The following USP34 variants were observed in gnomAD, a reference collection of about 807,000 sequenced individuals.
The protein encoded by USP34 is ubiquitin carboxyl-terminal hydrolase 34.
Under a neutral mutation model 460.3 loss-of-function variants are expected in USP34, and 70 were observed. The observed-to-expected ratio is 0.15, with a 90% CI of 0.13 to 0.19. The LOEUF (loss-of-function observed/expected upper bound fraction) is 0.19, where lower values mean the gene tolerates loss of function less well. Among genes scored for constraint, USP34 ranks in the 10% least tolerant of loss-of-function variants. The probability of loss-of-function intolerance (pLI) is 1.00; values close to 1 mark genes in which losing one functional copy is unlikely to be tolerated. For missense variants in USP34, 3,985 were observed against 4,236.2 expected, an observed-to-expected ratio of 0.94 and a Z score of 1.65; for synonymous variants, 1,647 against 1,405.3, an observed-to-expected ratio of 1.17 and a Z score of -3.85.
At chr2:61,352,036 G>T (rs1019867668) in intron 10 of USP34, among the ~76,000 whole-genome samples, 6 of 152,196 alleles carry the variant, frequency 3.9e-5, no homozygotes, top group African/African-American at 1.4e-4. Flanking sequence ...AAGTGTTTCA[G>T]GTTTTGGATT....
chr2:61,251,522 C>T (rs375813106), intron 48 of USP34, among the ~76,000 whole-genome samples: 29 of 152,244 alleles, frequency 1.9e-4, no homozygotes, highest in South Asian at 6.2e-4. Context: ...CGTTTATATA[C>T]GAAACTATTG....
intron 67 of USP34, among the ~76,000 whole-genome samples, chr2:61,216,725 C>A (rs547745109): frequency 2.0e-4 from 31 of 152,046 alleles, no homozygotes; most frequent in Non-Finnish European, 1.5e-4. Flanking sequence ...TCAAGACCAG[C>A]CTGGCCAACA....
chr2:61,348,180 G>C lies in USP34; in HGVS notation c.1975C>G (p.Gln659Glu), dbSNP rs759523310. Residue 659 changes from glutamine to glutamate, a missense_variant, in exon 15 of 80, where the codon CAA becomes GAA. By Grantham distance (29) the Gln-to-Glu change is conservative. Coordinates refer to ENST00000398571, the MANE Select transcript of USP34 (RefSeq NM_014709.4). Reference protein sequence around the residue: ...SQAGICLGDSQGMSERNGTSS... With the variant: ...SQAGICLGDSEGMSERNGTSS... ...GTCCCATTTCTTTCTGACATGCCTT[G>C]GGAGTCCCCCAGGCAAATGCCTGCT... The C allele has an allele frequency of 1.9e-6, 3 of 1,614,164 alleles. No individual in the cohort carries two copies. The highest frequency in any genetic ancestry group is 2.5e-6 in the Non-Finnish European group (3 of 1,180,024).
At chr2:61,222,378 A>G (rs556039965) in intron 65 of USP34, among the ~76,000 whole-genome samples, 1 of 152,286 alleles carries the variant, frequency 6.6e-6, no homozygotes, top group East Asian at 1.9e-4. Context: ...AAAGCCTGGC[A>G]TCCAGGTGGC....
At chr2:61,426,980 CCA>C (rs1694530807) in intron 1 of USP34, among the ~76,000 whole-genome samples, 2 of 152,226 alleles carry the variant, frequency 1.3e-5, no homozygotes, top group Admixed American at 6.5e-5. Context: ...TCTGCAAGAA[CCA>C]CAGAATTACT....
At position 61,431,351 on chromosome 2, in the gene USP34, T is replaced by G. The variant is rs1179836933; in HGVS notation, c.44-10518A>C. On this transcript the variant is annotated intron_variant, in intron 1 of 79. Transcript: ENST00000398571. ...AATCCACTTGCCTCAGCCTCCCAAG[T>G]AGCTGAGACTACAGGTGCATTTCAC... Among the ~76,000 whole-genome samples, 3 of 152,262 alleles carry G rather than the reference T, an allele frequency of 2.0e-5. No individual in the cohort carries two copies. The South Asian group carries it at 6.2e-4, about 32-fold the overall frequency.
intron 1 of USP34, among the ~76,000 whole-genome samples, chr2:61,422,362 TTG>T (rs1387622214): frequency 6.6e-6 from 1 of 152,172 alleles, no homozygotes; most frequent in Non-Finnish European, 1.5e-5. Flanking sequence ...GAAAAAAAGT[TTG>T]TGTGGCCAGA....
At chr2:61,458,675 T>C (rs1192432747) in intron 1 of USP34, among the ~76,000 whole-genome samples, 2 of 142,764 alleles carry the variant, frequency 1.4e-5, no homozygotes, top group Non-Finnish European at 3.0e-5. Flanking sequence ...TAGCAGAGGC[T>C]AAGTCATGCA....
chr2:61,202,311 G>T (rs922290269), intron 75 of USP34, among the ~76,000 whole-genome samples: 11 of 152,132 alleles, frequency 7.2e-5, no homozygotes, highest in Non-Finnish European at 1.2e-4. Flanking sequence ...TCTTGATCTG[G>T]GTAGTAGTTC....
chr2:61,202,238 G>A (rs1407859410), intron 75 of USP34, among the ~76,000 whole-genome samples: 2 of 152,198 alleles, frequency 1.3e-5, no homozygotes, highest in African/African-American at 4.8e-5. Flanking sequence ...TCCATAGGAA[G>A]GAGAGGGCTA....
intron 49 of USP34, 64 bp downstream of exon 49, chr2:61,248,447 T>C: frequency 1.4e-6 from 2 of 1,465,368 alleles, no homozygotes; most frequent in Non-Finnish European, 9.1e-7. Context: ...ACTTTATAAT[T>C]ATGCCTACCT....
rs1690820011 is a variant in USP34, at chr2:61,318,498, T to C, written c.3168+675A>G. 2.0e-5 allele frequency among the ~76,000 whole-genome samples: 3 copies of C among 152,186 alleles called. No individual in the cohort carries two copies. The South Asian group carries it at 6.2e-4, about 32-fold the overall frequency. ...ATACACACTAAAACTCATTCATATA[T>C]ATACTCAGTTCCAACATGGAGATAA... On this transcript the variant is annotated intron_variant, in intron 22 of 79. Coordinates refer to ENST00000398571, the MANE Select transcript of USP34 (RefSeq NM_014709.4).
At chr2:61,320,523 C>T (rs552065508) in intron 21 of USP34, among the ~76,000 whole-genome samples, 2 of 152,178 alleles carry the variant, frequency 1.3e-5, no homozygotes, top group South Asian at 2.1e-4. Flanking sequence ...AATGTTAAAA[C>T]ATTATTTGAT....
At chr2:61,359,779 GTTT>G (rs35258583) in intron 10 of USP34, among the ~76,000 whole-genome samples, 1 of 86,858 alleles carries the variant, frequency 1.2e-5, no homozygotes, top group African/African-American at 4.1e-5. Context: ...GCCCACAGTT[GTTT>G]TTTTTTTTTT....
chr2:61,214,767 A>C, intron 67 of USP34, 73 bp from the exon 68 acceptor site: 10 of 1,491,540 alleles, frequency 6.7e-6, no homozygotes, highest in Non-Finnish European at 9.1e-6. Flanking sequence ...CATTAATCAC[A>C]AAGCCACTGT....
At position 61,187,746 on chromosome 2, in the gene USP34, G is replaced by T. The variant is rs989845128; in HGVS notation, c.*356C>A. 5 of 503,468 alleles carry T rather than the reference G, an allele frequency of 9.9e-6. No individual in the cohort carries two copies. The highest frequency in any genetic ancestry group is 5.5e-5 in the Admixed American group (1 of 18,070). 31.2% of individuals were successfully genotyped at this position (503,468 alleles called of 1,614,324 possible). A position where few individuals can be genotyped will look rare whatever the true frequency, so the allele number is the denominator to read the frequency against. ...TCTGCCTCTATAAGGTACAAAACTG[G>T]CACAGAGGACACCATATCATACACA... On this transcript the variant is annotated 3_prime_UTR_variant, in exon 80 of 80. Transcript: ENST00000398571.
chr2:61,470,526 T>C (rs1695923003), intron 1 of USP34, 124 bp downstream of exon 1: 1 of 438,450 alleles, frequency 2.3e-6, no homozygotes, highest in Non-Finnish European at 3.9e-6. Context: ...CCCGGGGCGC[T>C]AGGCCCGCAC....
intron 1 of USP34, among the ~76,000 whole-genome samples, chr2:61,430,202 G>A (rs1293947312): frequency 3.5e-5 from 5 of 140,930 alleles, no homozygotes; most frequent in African/African-American, 8.0e-5. Context: ...GCGACAGAGC[G>A]AGTCTTCGTC....
intron 1 of USP34, among the ~76,000 whole-genome samples, chr2:61,465,495 C>A (rs1695733628): frequency 6.6e-6 from 1 of 152,196 alleles, no homozygotes; most frequent in African/African-American, 2.4e-5. Context: ...AAAGTCTGTG[C>A]ATATCTAATA....
Sources: gnomAD v4.1 joint callset for allele counts (sites outside exome capture counted in the v4.1 genomes callset) on GRCh38, gnomAD v4.1.1 for gene constraint, MANE v1.5 for transcripts, NCBI Gene and HGNC (gene_info 2026-07-23, HGNC 2026-07-21) for gene names.